Variants in CREB1 observed in about 807,000 individuals in gnomAD.
The protein encoded by CREB1 is cyclic AMP-responsive element-binding protein 1.
In CREB1, 2 loss-of-function variants were observed where a neutral mutation model predicts 42.0. That is an observed-to-expected ratio of 0.05 (90% CI 0.02 to 0.15). The LOEUF is 0.15. CREB1 is among the 10% of genes least tolerant of loss of function. CREB1 has a pLI of 1.00. For synonymous variants in CREB1, 123 were observed against 139.9 expected (o/e 0.88, Z 0.85); for missense variants, 199 against 388.9 (o/e 0.51, Z 4.11).
intron 6 of CREB1, chr2:207,576,748 A>G: frequency 9.2e-7 from 1 of 1,083,162 alleles, no homozygotes; most frequent in South Asian, 2.4e-5. Context: ...TTTAATTGAT[A>G]TTAATAATTA....
intron 7 of CREB1, among the ~76,000 whole-genome samples, chr2:207,579,482 G>A (rs2082749966): frequency 6.6e-6 from 1 of 152,138 alleles, no homozygotes; most frequent in Non-Finnish European, 1.5e-5. Context: ...TTGACTGGCA[G>A]ACCAAATTTC....
intron 1 of CREB1, chr2:207,534,723 G>A (rs1272365714): frequency 6.6e-6 from 1 of 152,122 alleles, no homozygotes; most frequent in African/African-American, 2.4e-5. Flanking sequence ...TTGGTTTTTT[G>A]AATAAGTAAT....
chr2:207,532,282 C>T (rs908393017), intron 1 of CREB1, among the ~76,000 whole-genome samples: 2 of 149,644 alleles, frequency 1.3e-5, no homozygotes, highest in African/African-American at 4.9e-5. Context: ...GAGATCGTGC[C>T]ATGCACTTCA....
intron 7 of CREB1, among the ~76,000 whole-genome samples, chr2:207,583,234 A>G (rs930091623): frequency 1.3e-5 from 2 of 152,128 alleles, no homozygotes; most frequent in African/African-American, 2.4e-5. Context: ...TTTGATACTC[A>G]TGAGAGTTCC....
chr2:207,585,436 G>T (rs2083648471), intron 7 of CREB1, among the ~76,000 whole-genome samples: 1 of 152,088 alleles, frequency 6.6e-6, no homozygotes, highest in South Asian at 2.1e-4. Context: ...TACAGTAAAA[G>T]TCTTTCTCTA....
At chr2:207,534,532 A>G (rs2080788709) in intron 1 of CREB1, 1 of 152,194 alleles carries the variant, frequency 6.6e-6, no homozygotes, top group South Asian at 2.1e-4. Context: ...TTATTACTAT[A>G]TGTAATACAG....
intron 7 of CREB1, among the ~76,000 whole-genome samples, chr2:207,586,889 C>T (rs1016263103): frequency 2.0e-5 from 3 of 152,140 alleles, no homozygotes; most frequent in African/African-American, 7.2e-5. Flanking sequence ...AAGTAACAAA[C>T]TGATGAGGAT....
chr2:207,581,750 A>G (rs1213402464), intron 7 of CREB1: 3 of 666,522 alleles, frequency 4.5e-6, no homozygotes, highest in Non-Finnish European at 5.4e-6. Flanking sequence ...GTATAATACC[A>G]TTAACTGAAT....
intron 1 of CREB1, among the ~76,000 whole-genome samples, chr2:207,553,412 T>C (rs1019864592): frequency 1.3e-5 from 2 of 152,202 alleles, no homozygotes; most frequent in African/African-American, 4.8e-5. Flanking sequence ...TTGATGTCTT[T>C]CTTATTTTGA....
chr2:207,596,328 A>C (rs2106636791), intron 7 of CREB1, among the ~76,000 whole-genome samples: 1 of 152,338 alleles, frequency 6.6e-6, no homozygotes, highest in Non-Finnish European at 1.5e-5. Flanking sequence ...AGTTATTGAT[A>C]TGGATAGAAT....
chr2:207,596,378 TAGTA>T (rs1421840648), intron 7 of CREB1, among the ~76,000 whole-genome samples: 4 of 152,240 alleles, frequency 2.6e-5, no homozygotes, highest in Admixed American at 6.5e-5. Context: ...TTTTAATTAA[TAGTA>T]AGATGTAATT....
intron 2 of CREB1, among the ~76,000 whole-genome samples, chr2:207,557,354 AAAGG>A (rs1276346361): frequency 6.6e-6 from 1 of 152,130 alleles, no homozygotes; most frequent in East Asian, 1.9e-4. Flanking sequence ...TATGAGAAAG[AAAGG>A]TTGGCTGAGT....
Position 207,577,507 on chromosome 2 carries a change from G to C in CREB1, c.691G>C (p.Ala231Pro), listed in dbSNP as rs1414285215. The change falls in exon 7 of 8, where the codon GCC becomes CCC. Residue 231 changes from alanine (A) to proline (P), a missense_variant and splice_region_variant. Coordinates refer to ENST00000353267, the MANE Select transcript of CREB1 (RefSeq NM_004379.5). Reference sequence around the variant, plus strand: ...ACCATGCTCACTGTTTTTTTCAGCTGCCTCTGGAGACGTACAAACATACCA... The same window carrying C: ...ACCATGCTCACTGTTTTTTTCAGCTCCCTCTGGAGACGTACAAACATACCA... ...VPSNQVVVQA[A>P]SGDVQTYQIR... is the part of the protein sequence containing the mutation. 6.2e-7 allele frequency: 1 copy of C among 1,611,498 alleles called. No homozygotes were observed. Among genetic ancestry groups the C allele is most frequent in the Non-Finnish European group, 8.5e-7 (1 of 1,179,100 alleles).
At chr2:207,546,665 T>G (rs907115785) in intron 1 of CREB1, among the ~76,000 whole-genome samples, 2 of 151,876 alleles carry the variant, frequency 1.3e-5, no homozygotes, top group African/African-American at 2.4e-5. Context: ...AAGCGGAGGT[T>G]GCAGTGAGCT....
At chr2:207,539,143 C>G (rs543388763) in intron 1 of CREB1, among the ~76,000 whole-genome samples, 1 of 150,528 alleles carries the variant, frequency 6.6e-6, no homozygotes, top group Admixed American at 6.6e-5. Context: ...TGGGTTCCAG[C>G]GATTCTGCTG....
intron 7 of CREB1, among the ~76,000 whole-genome samples, chr2:207,593,491 C>G (rs541756704): frequency 6.6e-6 from 1 of 152,202 alleles, no homozygotes; most frequent in African/African-American, 2.4e-5. Flanking sequence ...CATTGTGCCA[C>G]TGCACTCCAG....
chr2:207,579,704 C>A (rs2106595608), intron 7 of CREB1, among the ~76,000 whole-genome samples: 1 of 152,300 alleles, frequency 6.6e-6, no homozygotes, highest in East Asian at 1.9e-4. Context: ...TTGATTCTGC[C>A]ATAGTTCCTT....
intron 1 of CREB1, among the ~76,000 whole-genome samples, chr2:207,538,197 C>G (rs1291853320): frequency 2.0e-5 from 3 of 151,742 alleles, no homozygotes; most frequent in Admixed American, 1.3e-4. Context: ...CCAGATGTTT[C>G]CTCATTTGTC....
intron 1 of CREB1, among the ~76,000 whole-genome samples, chr2:207,541,574 A>G (rs566422268): frequency 6.6e-6 from 1 of 152,292 alleles, no homozygotes; most frequent in South Asian, 2.1e-4. Context: ...TTGTTTTCTA[A>G]CCTAATTAAC....
Sources: gnomAD v4.1 joint callset for allele counts (sites outside exome capture counted in the v4.1 genomes callset) on GRCh38, gnomAD v4.1.1 for gene constraint, MANE v1.5 for transcripts, NCBI Gene and HGNC (gene_info 2026-07-23, HGNC 2026-07-21) for gene names.